ANKAR: variants seen among roughly 807,000 people sequenced by gnomAD.
ANKAR encodes the protein ankyrin and armadillo repeat-containing protein.
ANKAR carries 136 observed loss-of-function variants against 146.2 expected under a neutral mutation model. The observed-to-expected ratio is 0.93, with a 90% CI of 0.81 to 1.07. The LOEUF (loss-of-function observed/expected upper bound fraction) is 1.07. Among genes scored for constraint, ANKAR ranks in the 50% least tolerant of loss-of-function variants. The pLI is 0.00. For missense variants in ANKAR, 1,567 were observed against 1,679.9 expected, an observed-to-expected ratio of 0.93 and a Z score of 1.18; for synonymous variants, 500 against 575.8, an observed-to-expected ratio of 0.87 and a Z score of 1.88.
chr2:189,693,023 T>A (rs2036656126), intron 4 of ANKAR, 51 bp from the exon 5 acceptor site: 2 of 919,574 alleles, frequency 2.2e-6, no homozygotes, highest in Non-Finnish European at 3.3e-6. Flanking sequence ...TTCTTATAAT[T>A]GTTTAGATGT....
intron 22 of ANKAR, 64 bp downstream of exon 22, chr2:189,744,852 C>G (rs1480420891): frequency 3.0e-6 from 4 of 1,313,946 alleles, no homozygotes; most frequent in Non-Finnish European, 4.3e-6. Flanking sequence ...ATTCTGTATT[C>G]CATCTCTAAA....
At chr2:189,733,970 C>T (rs2042622163) in intron 17 of ANKAR, among the ~76,000 whole-genome samples, 1 of 152,066 alleles carries the variant, frequency 6.6e-6, no homozygotes, top group South Asian at 2.1e-4. Flanking sequence ...ATGATTTTGA[C>T]ATTTTTGATG....
intron 6 of ANKAR, among the ~76,000 whole-genome samples, 156 bp from the exon 7 acceptor site, chr2:189,695,994 A>T (rs1367220175): frequency 3.3e-5 from 5 of 152,250 alleles, no homozygotes; most frequent in Admixed American, 3.3e-4. Context: ...TTTAATCATT[A>T]TCCAGTAAGA....
At chr2:189,683,094 G>A (rs2034996329) in intron 2 of ANKAR, among the ~76,000 whole-genome samples, 1 of 152,158 alleles carries the variant, frequency 6.6e-6, no homozygotes, top group Non-Finnish European at 1.5e-5. Flanking sequence ...TACGGATACA[G>A]CAAGAAGGTA....
chr2:189,740,320 A>ATT (rs566495336), intron 19 of ANKAR, among the ~76,000 whole-genome samples: 2 of 151,692 alleles, frequency 1.3e-5, no homozygotes, highest in Non-Finnish European at 2.9e-5. Flanking sequence ...CCTTTAGACA[A>ATT]TTTTTGCTTT....
intron 8 of ANKAR, among the ~76,000 whole-genome samples, chr2:189,705,865 G>A (rs768307783): frequency 7.2e-5 from 11 of 152,030 alleles, no homozygotes; most frequent in Admixed American, 2.0e-4. Flanking sequence ...AAATCTAAAG[G>A]CCAGGTCATT....
chr2:189,701,662 T>G (rs749450820), intron 7 of ANKAR, among the ~76,000 whole-genome samples: 10 of 152,206 alleles, frequency 6.6e-5, no homozygotes, highest in Admixed American at 1.3e-4. Flanking sequence ...AGCATGTCAT[T>G]TTGGTTCTTT....
chr2:189,695,176 A>G lies in ANKAR; in HGVS notation c.1488+15A>G, dbSNP rs1048859660. ...TGAAATGCAAGGTATTTCAGTGACTACCACATAATTTAGTATATGAAGTTA... is the reference window on the plus strand; with the variant it reads ...TGAAATGCAAGGTATTTCAGTGACTGCCACATAATTTAGTATATGAAGTTA... On this transcript the variant is annotated intron_variant, in intron 6 of 22. Coordinates refer to ENST00000684021, the MANE Select transcript of ANKAR (RefSeq NM_001378068.1). 7.6e-6 allele frequency: 12 copies of G among 1,575,460 alleles called. No homozygotes were observed. Among genetic ancestry groups the G allele is most frequent in the Non-Finnish European group, 1.0e-5 (12 of 1,161,412 alleles).
chr2:189,746,337 C>G, intron 22 of ANKAR, 43 bp from the exon 23 acceptor site: 2 of 1,553,312 alleles, frequency 1.3e-6, no homozygotes, highest in Non-Finnish European at 1.7e-6. Flanking sequence ...GAGACTATAC[C>G]TAGGGCTCTC....
chr2:189,682,873 G>A (rs544284277), intron 2 of ANKAR, among the ~76,000 whole-genome samples: 1 of 152,274 alleles, frequency 6.6e-6, no homozygotes, highest in East Asian at 1.9e-4. Context: ...GAGTCATATA[G>A]AATACACTGC....
chr2:189,740,058 T>A (rs983832637), intron 19 of ANKAR, among the ~76,000 whole-genome samples: 4 of 152,186 alleles, frequency 2.6e-5, no homozygotes, highest in Non-Finnish European at 5.9e-5. Flanking sequence ...AAATAACTGA[T>A]GTGCTTGGTG....
In ANKAR at chr2:189,728,282, G is replaced by A; in HGVS notation, c.2893G>A (p.Val965Ile). 6.2e-7 allele frequency: 1 copy of A among 1,603,542 alleles called. No homozygotes were observed. Among genetic ancestry groups the A allele is most frequent in the South Asian group, 1.1e-5 (1 of 87,422 alleles). ...LKLLKAFQID[V>I]KEQGAVALWA... ...TTAAAAATAGGCATTTCAAATAGAT[G>A]TTAAGGAACAAGGAGCTGTTGCACT... The change falls in exon 14 of 23, where the codon GTT becomes ATT. Residue 965 changes from valine to isoleucine, a missense_variant. Val to Ile is a conservative substitution (Grantham distance 29, BLOSUM62 3). Coordinates refer to ENST00000684021, the MANE Select transcript of ANKAR (RefSeq NM_001378068.1).
At chr2:189,755,508 G>C in intron 18 of ANKAR, 1 of 1,601,320 alleles carries the variant, frequency 6.2e-7, no homozygotes, top group South Asian at 1.1e-5. Flanking sequence ...ACTATTCGTT[G>C]AATATTTTCT....
Position 189,741,329 on chromosome 2 carries a change from G to A in ANKAR, c.3701-13G>A, listed in dbSNP as rs1324033683. On this transcript the variant is annotated splice_polypyrimidine_tract_variant and intron_variant, in intron 19 of 22. Transcript: ENST00000684021. The stretch of plus-strand genomic sequence containing the variant: ...ATTAAATAACACAAGCATTTTTCTT[G>A]TTTAATTTATAGGGAATTTAATAGC... 6.4e-7 allele frequency: 1 copy of A among 1,560,990 alleles called. No individual in the cohort carries two copies. The highest frequency in any genetic ancestry group is 2.0e-5 in the Admixed American group (1 of 51,216).
At chr2:189,761,675 C>T (rs1039118139), downstream of ANKAR, 12 of 1,491,472 alleles carry the variant, frequency 8.0e-6, no homozygotes, top group Non-Finnish European at 1.1e-5. Context: ...AAAAGAATTA[C>T]AGAAACAACT....
chr2:189,759,045 T>C (rs1392114383), intron 18 of ANKAR, among the ~76,000 whole-genome samples: 1 of 152,202 alleles, frequency 6.6e-6, no homozygotes, highest in Non-Finnish European at 1.5e-5. Context: ...CCTTGCACTA[T>C]TAATTCTCCT....
intron 18 of ANKAR, among the ~76,000 whole-genome samples, chr2:189,758,743 T>C (rs1416197397): frequency 6.6e-6 from 1 of 152,222 alleles, no homozygotes; most frequent in Non-Finnish European, 1.5e-5. Flanking sequence ...AATATAGACA[T>C]GGCCCCTGTC....
At chr2:189,754,211 A>G in intron 18 of ANKAR, 1 of 1,613,876 alleles carries the variant, frequency 6.2e-7, no homozygotes, top group Non-Finnish European at 8.5e-7. Context: ...AAAAATCACA[A>G]TTTTTAGCAT....
In ANKAR at chr2:189,689,630, A is replaced by G; in HGVS notation, c.705A>G (p.Val235=). 2 of 1,613,764 alleles carry G rather than the reference A, an allele frequency of 1.2e-6. No individual in the cohort carries two copies. The highest frequency in any genetic ancestry group is 1.3e-5 in the African/African-American group (1 of 75,046). ...YDPNSPEETA[V]FMKYAENIML... ...CCAACAGCCCTGAAGAAACAGCTGT[A>G]TTTATGAAATATGCTGAAAATATTA... Residue 235 remains valine (V), a synonymous_variant, in exon 3 of 23, where the codon GTA becomes GTG. Coordinates refer to ENST00000684021, the MANE Select transcript of ANKAR (RefSeq NM_001378068.1).
Sources: gnomAD v4.1 joint callset for allele counts (sites outside exome capture counted in the v4.1 genomes callset) on GRCh38, gnomAD v4.1.1 for gene constraint, MANE v1.5 for transcripts, NCBI Gene and HGNC (gene_info 2026-07-23, HGNC 2026-07-21) for gene names.